ASTN1: variants seen among roughly 807,000 people sequenced by gnomAD.
ASTN1 encodes the protein astrotactin-1.
In ASTN1, 41 loss-of-function variants were observed where a neutral mutation model predicts 140.7. That is an observed-to-expected ratio of 0.29 (90% CI 0.23 to 0.38). The LOEUF (loss-of-function observed/expected upper bound fraction) is 0.38. Ranked by LOEUF, ASTN1 falls within the 10% of genes least tolerant of loss-of-function variation. The pLI, the probability that ASTN1 is intolerant of heterozygous loss-of-function variation, is 1.00. For missense variants in ASTN1, 1,479 were observed against 1,678.8 expected (o/e 0.88, Z 2.08); for synonymous variants, 640 against 652.2 (o/e 0.98, Z 0.29).
intron 8 of ASTN1, chr1:176,977,051 C>T (rs1173325650): frequency 1.3e-5 from 2 of 152,126 alleles, no homozygotes; most frequent in South Asian, 4.1e-4. Flanking sequence ...AGTACTAGCA[C>T]AAGAGACAGT....
At chr1:177,036,238 C>T (rs113252926) in intron 2 of ASTN1, among the ~76,000 whole-genome samples, 4,763 of 151,516 alleles carry the variant, frequency 0.031, 249 homozygotes, top group African/African-American at 0.11. Context: ...TTAGTAGAGA[C>T]GGGGTTTCTC....
chr1:176,945,808 C>A, intron 13 of ASTN1, 118 bp downstream of exon 13: 1 of 1,018,452 alleles, frequency 9.8e-7, no homozygotes, highest in Non-Finnish European at 1.4e-6. Flanking sequence ...GTAGTCTATC[C>A]CTTTAGACAT....
At chr1:177,153,642 G>T (rs1373819178) in intron 1 of ASTN1, among the ~76,000 whole-genome samples, 1 of 152,096 alleles carries the variant, frequency 6.6e-6, no homozygotes, top group East Asian at 1.9e-4. Flanking sequence ...CCTTTCCAGT[G>T]AAGACATAAG....
At position 177,003,819 on chromosome 1, in the gene ASTN1, A is replaced by G. The variant is rs543736647; in HGVS notation, c.1523+10972T>C. ...AAGAGCAAGACTCTGTCTAAAAAAA[A>G]AAAAGAAAGAAAGAAAAGAAAAGAA... is the stretch of plus-strand genomic sequence containing the variant. On this transcript the variant is annotated intron_variant, in intron 8 of 22. Coordinates refer to ENST00000361833, the MANE Select transcript of ASTN1 (RefSeq NM_004319.3). 2.5e-4 allele frequency among the ~76,000 whole-genome samples: 38 copies of G among 151,192 alleles called. 1 individual carries two copies. The highest frequency in any genetic ancestry group is 8.4e-4 in the African/African-American group (34 of 40,642).
intron 1 of ASTN1, among the ~76,000 whole-genome samples, chr1:177,140,622 T>C (rs1197204142): frequency 6.6e-6 from 1 of 152,206 alleles, no homozygotes; most frequent in Non-Finnish European, 1.5e-5. Flanking sequence ...TATAGCTAAC[T>C]GTAATTTGCA....
chr1:177,111,787 C>T (rs11581139), intron 1 of ASTN1, among the ~76,000 whole-genome samples: 6,437 of 152,250 alleles, frequency 0.042, 187 homozygotes, highest in Admixed American at 0.062. Context: ...GACTCTACAG[C>T]AGGAGAAAGC....
In ASTN1 at chr1:176,942,866, A is replaced by ATATATATATATATATATATT. The variant is rs1385017638; in HGVS notation, c.2377+1024_2377+1025insAATATATATATATATATATA. On this transcript the variant is annotated intron_variant, in intron 14 of 22. Coordinates refer to ENST00000361833, the MANE Select transcript of ASTN1 (RefSeq NM_004319.3). The stretch of plus-strand genomic sequence containing the variant: ...TATATATATATATATATATATATAT[A>ATATATATATATATATATATT]GATTGATGTCTCATGTCTCCTTAAA... 9.7e-4 allele frequency among the ~76,000 whole-genome samples: 68 copies of ATATATATATATATATATATT among 70,000 alleles called. 20 individuals carry two copies. The highest frequency in any genetic ancestry group is 1.6e-3 in the Non-Finnish European group (58 of 35,256). 45.9% of individuals were successfully genotyped at this position (70,000 alleles called of 152,430 possible). A position where few individuals can be genotyped will look rare whatever the true frequency, so the allele number is the denominator to read the frequency against.
intron 8 of ASTN1, among the ~76,000 whole-genome samples, chr1:176,971,930 A>G (rs1384177023): frequency 2.6e-5 from 4 of 152,190 alleles, no homozygotes; most frequent in African/African-American, 9.7e-5. Flanking sequence ...ATGAGGATAC[A>G]TTCTGAGAAA....
chr1:177,153,382 G>A (rs1683120221), intron 1 of ASTN1, among the ~76,000 whole-genome samples: 1 of 152,052 alleles, frequency 6.6e-6, no homozygotes. Flanking sequence ...CAACAGAACT[G>A]TGAGCCAAAT....
chr1:177,036,586 T>C (rs1208749191), intron 2 of ASTN1, among the ~76,000 whole-genome samples: 2 of 152,182 alleles, frequency 1.3e-5, no homozygotes, highest in African/African-American at 4.8e-5. Flanking sequence ...CATTATTTAA[T>C]AATATTTTGT....
At chr1:177,014,515 G>T (rs1177674826) in intron 8 of ASTN1, among the ~76,000 whole-genome samples, 2 of 152,172 alleles carry the variant, frequency 1.3e-5, no homozygotes, top group Non-Finnish European at 2.9e-5. Context: ...ATGGCTGGTG[G>T]TGGTGTGAAA....
Position 176,954,193 on chromosome 1 carries a change from G to T in ASTN1, c.1887+3485C>A, listed in dbSNP as rs138610079. ...CTCACATGGCAAAAGCGACTTTGCA[G>T]ATGTGATTAAATTAAGGATCTTGAA... is the stretch of plus-strand genomic sequence containing the variant. On this transcript the variant is annotated intron_variant, in intron 11 of 22. Transcript: ENST00000361833. Among the ~76,000 whole-genome samples, 6 of 152,292 alleles carry T rather than the reference G, an allele frequency of 3.9e-5. No homozygotes were observed. In the East Asian group the frequency reaches 1.2e-3, roughly 29 times the overall value.
At chr1:177,109,285 G>C (rs764170433) in intron 1 of ASTN1, among the ~76,000 whole-genome samples, 2 of 152,098 alleles carry the variant, frequency 1.3e-5, no homozygotes, top group African/African-American at 2.4e-5. Context: ...TTTGTTCAAA[G>C]AATAGAAGAC....
chr1:177,103,003 TCA>T, intron 1 of ASTN1, among the ~76,000 whole-genome samples: 1 of 152,330 alleles, frequency 6.6e-6, no homozygotes, highest in South Asian at 2.1e-4. Flanking sequence ...CTTTTATGCC[TCA>T]GTTTTCCCAT....
At chr1:176,965,104 G>T in intron 9 of ASTN1, 59 bp downstream of exon 9, 2 of 1,515,570 alleles carry the variant, frequency 1.3e-6, no homozygotes, top group Non-Finnish European at 1.8e-6. Flanking sequence ...GTCAGTTCGG[G>T]GGAAGCGGAA....
intron 1 of ASTN1, 45 bp downstream of exon 1, chr1:177,164,349 G>T: frequency 6.7e-7 from 1 of 1,483,936 alleles, no homozygotes; most frequent in Non-Finnish European, 9.0e-7. Context: ...GGGTGGGGGC[G>T]CCGGTCCAGC....
intron 8 of ASTN1, among the ~76,000 whole-genome samples, chr1:176,985,763 C>T (rs887571198): frequency 1.2e-4 from 18 of 151,916 alleles, no homozygotes; most frequent in Middle Eastern, 3.4e-3. Context: ...ACCCTGTTCT[C>T]CATTAAGTAG....
chr1:177,036,830 C>A (rs955008143), intron 2 of ASTN1, among the ~76,000 whole-genome samples: 20 of 150,804 alleles, frequency 1.3e-4, no homozygotes, highest in Admixed American at 4.0e-4. Flanking sequence ...TTCTTTTTTT[C>A]TTTTTTTGAG....
chr1:176,950,668 C>G (rs1016290735), intron 11 of ASTN1, among the ~76,000 whole-genome samples: 1 of 151,832 alleles, frequency 6.6e-6, no homozygotes, highest in Admixed American at 6.6e-5. Context: ...AGAGCTAATC[C>G]TTTCTAATAG....
Sources: gnomAD v4.1 joint callset for allele counts (sites outside exome capture counted in the v4.1 genomes callset) on GRCh38, gnomAD v4.1.1 for gene constraint, MANE v1.5 for transcripts, NCBI Gene and HGNC (gene_info 2026-07-23, HGNC 2026-07-21) for gene names.